KBTBD12: variants seen among roughly 807,000 people sequenced by gnomAD.
KBTBD12 encodes the protein kelch repeat and BTB domain-containing protein 12.
KBTBD12 carries 53 observed loss-of-function variants against 58.7 expected under a neutral mutation model. The observed-to-expected ratio is 0.90, with a 90% CI of 0.72 to 1.14. The LOEUF (loss-of-function observed/expected upper bound fraction) is 1.14. Ranked by LOEUF, KBTBD12 falls within the 50% of genes most tolerant of loss-of-function variation. The probability of loss-of-function intolerance (pLI) is 0.00; values close to 1 mark genes in which losing one functional copy is unlikely to be tolerated. For synonymous variants in KBTBD12, 236 were observed against 259.8 expected (o/e 0.91, Z 0.88); for missense variants, 704 against 751.3 (o/e 0.94, Z 0.74).
Position 127,963,351 on chromosome 3 carries a change from G to A in KBTBD12, c.1655G>A (p.Gly552Glu). The A allele has an allele frequency of 1.2e-6, 2 of 1,612,092 alleles. No homozygotes were observed. The highest frequency in any genetic ancestry group is 1.7e-6 in the Non-Finnish European group (2 of 1,179,196). ...TNSTNAGAVDGKLYVCGGFHG... is the reference protein window; with the variant it reads ...TNSTNAGAVDEKLYVCGGFHG... ...TCCACCAATGCAGGGGCAGTGGATGGGAAACTCTATGTCTGCGGGGGATTC... is the reference window on the plus strand; with the variant it reads ...TCCACCAATGCAGGGGCAGTGGATGAGAAACTCTATGTCTGCGGGGGATTC... The change falls in exon 5 of 6, where the codon GGG (glycine) becomes GAG (glutamate). Residue 552 changes from glycine (G) to glutamate (E), a missense_variant. Gly to Glu is a moderately conservative substitution (Grantham distance 98). Coordinates refer to ENST00000405109, the MANE Select transcript of KBTBD12 (RefSeq NM_207335.4).
At chr3:127,925,980 CT>C (rs1335373427) in intron 2 of KBTBD12, among the ~76,000 whole-genome samples, 3 of 152,086 alleles carry the variant, frequency 2.0e-5, no homozygotes, top group Non-Finnish European at 4.4e-5. Flanking sequence ...AGATATATTT[CT>C]TCTTGACTTA....
intron 5 of KBTBD12, among the ~76,000 whole-genome samples, chr3:127,970,198 T>A (rs1940656596): frequency 6.6e-6 from 1 of 152,112 alleles, no homozygotes; most frequent in South Asian, 2.1e-4. Flanking sequence ...CATTAGCCAT[T>A]AAGAAAATGC....
intron 5 of KBTBD12, among the ~76,000 whole-genome samples, chr3:127,973,112 G>A (rs78707122): frequency 1.1e-3 from 166 of 152,298 alleles, no homozygotes; most frequent in Non-Finnish European, 2.1e-3. Context: ...TAATTTTATA[G>A]TATTTGCTTC....
At chr3:127,967,788 G>A (rs1271922682) in intron 5 of KBTBD12, among the ~76,000 whole-genome samples, 1 of 152,192 alleles carries the variant, frequency 6.6e-6, no homozygotes, top group Non-Finnish European at 1.5e-5. Context: ...TAACAAGAGA[G>A]TATTAAGAAA....
At chr3:127,945,285 C>T (rs1158639197) in intron 4 of KBTBD12, among the ~76,000 whole-genome samples, 1 of 142,286 alleles carries the variant, frequency 7.0e-6, no homozygotes, top group Admixed American at 7.5e-5. Flanking sequence ...CCCAGGTTCA[C>T]GCCATTCTCC....
Position 127,985,301 on chromosome 3 carries a change from G to C in KBTBD12, c.*1023G>C, listed in dbSNP as rs1940945937. 1 of 152,302 alleles carries C rather than the reference G, an allele frequency of 6.6e-6. No homozygotes were observed. Among genetic ancestry groups the C allele is most frequent in the South Asian group, 2.1e-4 (1 of 4,828 alleles). The allele number at this position is 152,302 out of a possible 1,614,324, so 9.4% of individuals were successfully genotyped here. On this transcript the variant is annotated 3_prime_UTR_variant, in exon 6 of 6. Transcript: ENST00000405109. ...GCCCGGCCTTTGCAATAAAGATGGAGCCACCCACTTCAGCCCACAATTGAG... is the reference window on the plus strand; with the variant it reads ...GCCCGGCCTTTGCAATAAAGATGGACCCACCCACTTCAGCCCACAATTGAG...
At chr3:127,922,812 C>T (rs779168119) in intron 1 of KBTBD12, 138 bp from the exon 2 acceptor site, 96 of 276,938 alleles carry the variant, frequency 3.5e-4, no homozygotes, top group Non-Finnish European at 5.9e-4. Flanking sequence ...TTTTTAGATA[C>T]AAAAGTAGTT....
chr3:127,948,508 C>T (rs545334480), intron 4 of KBTBD12, among the ~76,000 whole-genome samples: 2 of 152,364 alleles, frequency 1.3e-5, no homozygotes, highest in African/African-American at 4.8e-5. Flanking sequence ...AACTGGTTCA[C>T]ATTATGTAAG....
chr3:127,963,731 C>T, intron 5 of KBTBD12: 1 of 198,130 alleles, frequency 5.0e-6, no homozygotes, highest in Non-Finnish European at 1.0e-5. Flanking sequence ...CAGCATCTAG[C>T]ACATAGTAGA....
At chr3:127,979,949 A>G (rs1418158693) in intron 5 of KBTBD12, among the ~76,000 whole-genome samples, 1 of 152,234 alleles carries the variant, frequency 6.6e-6, no homozygotes, top group Admixed American at 6.5e-5. Flanking sequence ...AGGGTAGTCA[A>G]GTGCACATGC....
At chr3:127,963,637 T>A in intron 5 of KBTBD12, 5 of 412,400 alleles carry the variant, frequency 1.2e-5, no homozygotes, top group East Asian at 4.3e-5. Context: ...TGAACACACC[T>A]GGTCTCACCT....
chr3:127,949,298 G>A (rs1267536428), intron 4 of KBTBD12, among the ~76,000 whole-genome samples: 1 of 152,168 alleles, frequency 6.6e-6, no homozygotes, highest in East Asian at 1.9e-4. Flanking sequence ...CGGTAGTTTT[G>A]AGTGTCAGGA....
intron 5 of KBTBD12, among the ~76,000 whole-genome samples, chr3:127,963,905 CT>C (rs1351502977): frequency 1.3e-5 from 2 of 152,174 alleles, no homozygotes; most frequent in Non-Finnish European, 2.9e-5. Context: ...AGAAAACTCT[CT>C]TATTCCTACC....
chr3:127,954,656 C>A (rs1423577764), intron 4 of KBTBD12, among the ~76,000 whole-genome samples: 29 of 152,166 alleles, frequency 1.9e-4, no homozygotes, highest in Non-Finnish European at 1.0e-4. Context: ...CAGGCAAAAT[C>A]AAATATAGAA....
At chr3:127,962,633 T>G (rs891985711) in intron 4 of KBTBD12, among the ~76,000 whole-genome samples, 1 of 152,216 alleles carries the variant, frequency 6.6e-6, no homozygotes, top group Non-Finnish European at 1.5e-5. Context: ...ATGAACTATA[T>G]CATCCAAAAC....
At position 127,923,019 on chromosome 3, in the gene KBTBD12, T is replaced by A; in HGVS notation, c.-43T>A. On this transcript the variant is annotated 5_prime_UTR_variant, in exon 2 of 6. Transcript: ENST00000405109. ...GCAAATAGCCCCTCAGGAATCAAGCTACACTTAAAGAAGACTTAGTTGGAA... is the reference window on the plus strand; with the variant it reads ...GCAAATAGCCCCTCAGGAATCAAGCAACACTTAAAGAAGACTTAGTTGGAA... The A allele has an allele frequency of 8.5e-7, 1 of 1,174,038 alleles. No individual in the cohort carries two copies. The highest frequency in any genetic ancestry group is 1.2e-6 in the Non-Finnish European group (1 of 800,728). 72.7% of individuals were successfully genotyped at this position (1,174,038 alleles called of 1,614,324 possible). A position where few individuals can be genotyped will look rare whatever the true frequency, so the allele number is the denominator to read the frequency against.
At chr3:127,935,723 G>A (rs1939815822) in intron 4 of KBTBD12, among the ~76,000 whole-genome samples, 1 of 152,118 alleles carries the variant, frequency 6.6e-6, no homozygotes. Flanking sequence ...TGTATAGCCA[G>A]TCATTATCAA....
chr3:127,950,193 A>T (rs1940174228), intron 4 of KBTBD12, among the ~76,000 whole-genome samples: 1 of 152,212 alleles, frequency 6.6e-6, no homozygotes, highest in Non-Finnish European at 1.5e-5. Flanking sequence ...CATGCCTTTG[A>T]GCTACAAAAG....
chr3:127,945,678 CTTTT>C (rs36060646), intron 4 of KBTBD12, among the ~76,000 whole-genome samples: 5 of 127,112 alleles, frequency 3.9e-5, no homozygotes, highest in Non-Finnish European at 6.7e-5. Context: ...CTTATTTTCA[CTTTT>C]TTTTTTTTTT....
Sources: gnomAD v4.1 joint callset for allele counts (sites outside exome capture counted in the v4.1 genomes callset) on GRCh38, gnomAD v4.1.1 for gene constraint, MANE v1.5 for transcripts, NCBI Gene and HGNC (gene_info 2026-07-23, HGNC 2026-07-21) for gene names.